The following MAF variants were observed in gnomAD, a reference collection of about 807,000 sequenced individuals.
MAF encodes MAF bZIP transcription factor, also known as transcription factor Maf.
A neutral mutation model predicts 22.0 loss-of-function variants in MAF; 10 were observed. The observed-to-expected ratio is 0.45, with a 90% CI of 0.28 to 0.77. The LOEUF is 0.77. MAF is among the 30% of genes least tolerant of loss of function. The pLI is 0.12. For missense variants in MAF, 544 were observed against 548.4 expected, an observed-to-expected ratio of 0.99 and a Z score of 0.08; for synonymous variants, 337 against 255.8, an observed-to-expected ratio of 1.32 and a Z score of -3.03.
Position 79,594,404 on chromosome 16 carries a change from C to G in MAF, c.*56G>C, listed in dbSNP as rs1053547762. ...GTCAGGGGTAGGTGGTTCTCCATGA[C>G]TGCAAATAATAATAATAATGATGAT... On this transcript the variant is annotated 3_prime_UTR_variant, in exon 2 of 2. Transcript: ENST00000326043. 6.3e-5 allele frequency: 94 copies of G among 1,481,566 alleles called. No individual in the cohort carries two copies. The highest frequency in any genetic ancestry group is 8.1e-5 in the Non-Finnish European group (88 of 1,083,752). 91.8% of individuals were successfully genotyped at this position (1,481,566 alleles called of 1,614,324 possible). A position where few individuals can be genotyped will look rare whatever the true frequency, so the allele number is the denominator to read the frequency against.
the MAF span, among the ~76,000 whole-genome samples, chr16:79,479,344 G>A: frequency 6.6e-6 from 1 of 152,178 alleles, no homozygotes; most frequent in Non-Finnish European, 1.5e-5. Flanking sequence ...CCCCATGTAG[G>A]CGCCATAAAA....
chr16:79,473,975 G>A, the MAF span, among the ~76,000 whole-genome samples: 1 of 152,112 alleles, frequency 6.6e-6, no homozygotes, highest in South Asian at 2.1e-4. Context: ...GAGGAATTAC[G>A]GCAGGTAGTT....
chr16:79,215,116 T>C, the MAF span, among the ~76,000 whole-genome samples: 5 of 152,314 alleles, frequency 3.3e-5, no homozygotes, highest in South Asian at 8.3e-4. Flanking sequence ...CTGTTGTCCA[T>C]ACAGCTCATA....
At chr16:79,582,738 G>A (rs1351123892), downstream of MAF, among the ~76,000 whole-genome samples, 2 of 152,240 alleles carry the variant, frequency 1.3e-5, no homozygotes, top group African/African-American at 4.8e-5. Context: ...AGTGCCAACA[G>A]ATATATTGAT....
chr16:79,455,786 G>C, the MAF span, among the ~76,000 whole-genome samples: 1 of 152,168 alleles, frequency 6.6e-6, no homozygotes, highest in Non-Finnish European at 1.5e-5. Flanking sequence ...GGGGGACCAA[G>C]GTGGGCAGAC....
the MAF span, among the ~76,000 whole-genome samples, chr16:79,575,107 A>G: frequency 2.6e-5 from 4 of 151,950 alleles, no homozygotes; most frequent in East Asian, 7.8e-4. Context: ...CACGGCATCA[A>G]TGTTTTTAAA....
the MAF span, among the ~76,000 whole-genome samples, chr16:79,536,330 A>C: frequency 2.6e-5 from 4 of 152,148 alleles, no homozygotes; most frequent in Non-Finnish European, 4.4e-5. Context: ...GATCCAACCA[A>C]ATGGGAATTG....
chr16:79,493,466 C>T, the MAF span, among the ~76,000 whole-genome samples: 2 of 152,178 alleles, frequency 1.3e-5, no homozygotes, highest in African/African-American at 4.8e-5. Flanking sequence ...AGGAATGAGC[C>T]ACCGCACCTG....
the MAF span, among the ~76,000 whole-genome samples, chr16:79,279,562 A>T: frequency 6.6e-6 from 1 of 152,152 alleles, no homozygotes. Context: ...CCTGGGCTGC[A>T]GGATGACGAA....
the MAF span, among the ~76,000 whole-genome samples, chr16:79,357,908 G>A: frequency 6.6e-6 from 1 of 152,208 alleles, no homozygotes; most frequent in Non-Finnish European, 1.5e-5. Context: ...CAGCATCTCA[G>A]GGGCTAACCT....
chr16:79,216,036 G>C, the MAF span, among the ~76,000 whole-genome samples: 1 of 152,140 alleles, frequency 6.6e-6, no homozygotes, highest in Non-Finnish European at 1.5e-5. Context: ...TTCTTGACAG[G>C]TGAGCAAGTG....
At chr16:79,503,147 A>G in the MAF span, among the ~76,000 whole-genome samples, 1 of 152,070 alleles carries the variant, frequency 6.6e-6, no homozygotes, top group Non-Finnish European at 1.5e-5. Flanking sequence ...GAAATCAATT[A>G]TTTCTGAATT....
chr16:79,319,722 C>A, the MAF span, among the ~76,000 whole-genome samples: 1 of 152,176 alleles, frequency 6.6e-6, no homozygotes, highest in African/African-American at 2.4e-5. Flanking sequence ...CTATGATGTG[C>A]TAAGGACCAT....
the MAF span, among the ~76,000 whole-genome samples, chr16:79,476,533 C>A: frequency 6.6e-6 from 1 of 152,196 alleles, no homozygotes; most frequent in Non-Finnish European, 1.5e-5. Flanking sequence ...ATTTGACTCC[C>A]AACTCTGCTC....
At chr16:79,297,754 G>C in the MAF span, among the ~76,000 whole-genome samples, 1 of 152,240 alleles carries the variant, frequency 6.6e-6, no homozygotes, top group African/African-American at 2.4e-5. Flanking sequence ...CTGTGGAAAT[G>C]TGGGGCTGCG....
the MAF span, chr16:79,516,036 C>T: frequency 0.84 from 124,418 of 148,434 alleles, 52,337 homozygotes; most frequent in East Asian, 0.92. Flanking sequence ...GCTCAAGTGG[C>T]TCCTATCCCA....
chr16:79,571,167 T>G, the MAF span, among the ~76,000 whole-genome samples: 1 of 151,996 alleles, frequency 6.6e-6, no homozygotes, highest in Non-Finnish European at 1.5e-5. Flanking sequence ...AGCTGACATT[T>G]CCTTAGAGAG....
chr16:79,347,998 T>G, the MAF span, among the ~76,000 whole-genome samples: 1 of 152,220 alleles, frequency 6.6e-6, no homozygotes, highest in Non-Finnish European at 1.5e-5. Flanking sequence ...CTCTTTTTAA[T>G]ATTGTCCTTT....
chr16:79,366,434 A>T, the MAF span, among the ~76,000 whole-genome samples: 2 of 152,196 alleles, frequency 1.3e-5, no homozygotes, highest in African/African-American at 4.8e-5. Flanking sequence ...TAACCATTCT[A>T]AGTCTTAGTT....
Sources: gnomAD v4.1 joint callset for allele counts (sites outside exome capture counted in the v4.1 genomes callset) on GRCh38, gnomAD v4.1.1 for gene constraint, MANE v1.5 for transcripts, NCBI Gene and HGNC (gene_info 2026-07-23, HGNC 2026-07-21) for gene names.